The following TUT1 variants were observed in gnomAD, a reference collection of about 807,000 sequenced individuals.
TUT1 encodes the protein terminal uridylyl transferase 1, U6 snRNA-specific, also known as speckle targeted PIP5K1A-regulated poly(A) polymerase.
Under a neutral mutation model 48.8 loss-of-function variants are expected in TUT1, and 26 were observed. The observed-to-expected ratio is 0.53, with a 90% CI of 0.39 to 0.74. TUT1 has a LOEUF of 0.74. Ranked by LOEUF, TUT1 falls within the 30% of genes least tolerant of loss-of-function variation. TUT1 has a pLI of 0.00. For missense variants in TUT1, 1,065 were observed against 1,114.8 expected (o/e 0.96, Z 0.64); for synonymous variants, 470 against 460.8 (o/e 1.02, Z -0.26).
chr11:62,578,727 C>G lies in TUT1; in HGVS notation c.994G>C (p.Glu332Gln), dbSNP rs1462451717. The change falls in exon 5 of 9, where the codon GAG (glutamate) becomes CAG (glutamine). Residue 332 changes from glutamate to glutamine, a missense_variant. Glu to Gln is a conservative substitution (Grantham distance 29, BLOSUM62 2). Transcript: ENST00000476907. Reference sequence around the variant, plus strand: ...ATTGCTGCCCCCTCTGCTTTCTCCTCCTTTGGGGTCTCTGCTAGTTCCGAG... The same window carrying G: ...ATTGCTGCCCCCTCTGCTTTCTCCTGCTTTGGGGTCTCTGCTAGTTCCGAG... ...KASELAETPK[E>Q]EKAEGAAMLE... 6 of 1,614,194 alleles carry G rather than the reference C, an allele frequency of 3.7e-6. 1 individual carries two copies. The Middle Eastern group carries it at 4.9e-4, about 133-fold the overall frequency.
chr11:62,580,163 A>AATG (rs1302566680), intron 4 of TUT1, among the ~76,000 whole-genome samples: 1 of 152,068 alleles, frequency 6.6e-6, no homozygotes, highest in Non-Finnish European at 1.5e-5. Flanking sequence ...GATGTTAGAA[A>AATG]ATACAGGTTA....
chr11:62,581,340 A>T (rs1941821318), intron 3 of TUT1, 46 bp downstream of exon 3: 1 of 1,569,850 alleles, frequency 6.4e-7, no homozygotes, highest in South Asian at 1.2e-5. Context: ...GACACAGGAG[A>T]GCAAAGGCCA....
Position 62,576,531 on chromosome 11 carries a change from GTAA to G in TUT1, c.1474+123_1474+125del, listed in dbSNP as rs1941730870. The G allele has an allele frequency of 4.5e-6, 4 of 895,540 alleles. No individual in the cohort carries two copies. The South Asian group carries it at 4.9e-5, about 11-fold the overall frequency. The allele number at this position is 895,540 out of a possible 1,614,324, so 55.5% of individuals were successfully genotyped here. On this transcript the variant is annotated intron_variant, in intron 8 of 8. Transcript: ENST00000476907. ...TGGTTTCTTCATCTGTAAAATGGCA[GTAA>G]TAATATTAGGTATCTCACAGGCTTT...
chr11:62,575,957 C>A lies in TUT1; in HGVS notation c.1762G>T (p.Asp588Tyr), dbSNP rs535015148. ...QYQRRSSRGR[D>Y]WGLLPLLQPS... ...TGCAGAAGAGGGAGCAGCCCCCAGT[C>A]CCGACCCCGGGAGGAACGGCGCTGG... Residue 588 changes from aspartate to tyrosine, a missense_variant, in exon 9 of 9, where the codon GAC becomes TAC. Asp to Tyr is a radical substitution (Grantham distance 160, BLOSUM62 -3). Coordinates refer to ENST00000476907, the MANE Select transcript of TUT1 (RefSeq NM_022830.3). 3 of 1,614,114 alleles carry A rather than the reference C, an allele frequency of 1.9e-6. No homozygotes were observed. Among genetic ancestry groups the A allele is most frequent in the South Asian group, 2.2e-5 (2 of 91,084 alleles).
chr11:62,579,716 G>A (rs997509440), intron 4 of TUT1, among the ~76,000 whole-genome samples: 2 of 148,044 alleles, frequency 1.4e-5, no homozygotes, highest in African/African-American at 5.0e-5. Context: ...CCAGGCTGGA[G>A]TGCAGTGGCG....
intron 2 of TUT1, among the ~76,000 whole-genome samples, chr11:62,582,861 G>A (rs1672174007): frequency 6.6e-6 from 1 of 152,038 alleles, no homozygotes; most frequent in Admixed American, 6.6e-5. Flanking sequence ...GGGTGCAGTG[G>A]CTCACGCCTG....
At chr11:62,583,460 T>G (rs1406522993) in intron 2 of TUT1, among the ~76,000 whole-genome samples, 2 of 151,912 alleles carry the variant, frequency 1.3e-5, no homozygotes, top group Non-Finnish European at 2.9e-5. Flanking sequence ...AAATACAAAA[T>G]TAGCCAGATA....
chr11:62,585,190 A>C (rs537185473), intron 2 of TUT1, among the ~76,000 whole-genome samples: 1 of 152,204 alleles, frequency 6.6e-6, no homozygotes, highest in African/African-American at 2.4e-5. Context: ...ATGTGATTAT[A>C]GCTCACTGTA....
intron 1 of TUT1, 22 bp downstream of exon 1, chr11:62,591,382 T>G: frequency 6.5e-7 from 1 of 1,539,086 alleles, no homozygotes; most frequent in Non-Finnish European, 8.8e-7. Context: ...CACCCCCGGG[T>G]CCCTCACTAG....
chr11:62,577,864 T>C (rs936842427), intron 5 of TUT1, among the ~76,000 whole-genome samples: 53 of 150,852 alleles, frequency 3.5e-4, no homozygotes, highest in African/African-American at 1.3e-3. Context: ...GAGTTCGAGA[T>C]CAGCCTGGGC....
At chr11:62,589,774 C>T (rs928714207) in intron 1 of TUT1, among the ~76,000 whole-genome samples, 1 of 152,206 alleles carries the variant, frequency 6.6e-6, no homozygotes, top group Non-Finnish European at 1.5e-5. Context: ...TCATGGAATA[C>T]TTTGTGGATC....
chr11:62,581,188 A>G lies in TUT1; in HGVS notation c.608T>C (p.Phe203Ser). 1 of 1,614,188 alleles carries G rather than the reference A, an allele frequency of 6.2e-7. No individual in the cohort carries two copies. Among genetic ancestry groups the G allele is most frequent in the East Asian group, 2.2e-5 (1 of 44,884 alleles). Residue 203 changes from phenylalanine (F) to serine (S), a missense_variant, in exon 4 of 9, where the codon TTT becomes TCT. Coordinates refer to ENST00000476907, the MANE Select transcript of TUT1 (RefSeq NM_022830.3). ...EFFPGCVVHP[F>S]GSSINSFDVH... Reference sequence around the variant, plus strand: ...ATCGAAGCTATTTATGGAAGAGCCAAAAGGGTGGACCACACAGCCTGGGTG... The same window carrying G: ...ATCGAAGCTATTTATGGAAGAGCCAGAAGGGTGGACCACACAGCCTGGGTG...
In TUT1 at chr11:62,576,685, C is replaced by T; in HGVS notation, c.1446G>A (p.Leu482=). ...DCSFPRDASR[L]EPSINVEPLS... is the part of the protein sequence containing the mutation. ...GGGGCTCCACATTTATGCTGGGCTC[C>T]AGTCTTGAGGCATCCCTGGGGAAAC... Residue 482 remains leucine (L), a synonymous_variant, in exon 8 of 9, where the codon CTG becomes CTA. Coordinates refer to ENST00000476907, the MANE Select transcript of TUT1 (RefSeq NM_022830.3). 1 of 1,614,202 alleles carries T rather than the reference C, an allele frequency of 6.2e-7. No individual in the cohort carries two copies.
At position 62,578,767 on chromosome 11, in the gene TUT1, C is replaced by T. The variant is rs1394489829; in HGVS notation, c.954G>A (p.Gly318=). Residue 318 remains glycine, a synonymous_variant, in exon 5 of 9, where the codon GGG becomes GGA. Coordinates refer to ENST00000476907, the MANE Select transcript of TUT1 (RefSeq NM_022830.3). ...CTAGTTCCGAGGCCTTCCCCAGGTC[C>T]CCCTCTTCCCTGTCCTCTAGCAGTG... ...ASPLLEDREE[G]DLGKASELAE... The T allele has an allele frequency of 1.9e-6, 3 of 1,614,162 alleles. No individual in the cohort carries two copies. Among genetic ancestry groups the T allele is most frequent in the Non-Finnish European group, 2.5e-6 (3 of 1,180,044 alleles).
At chr11:62,583,557 A>C (rs1941864847) in intron 2 of TUT1, among the ~76,000 whole-genome samples, 1 of 152,048 alleles carries the variant, frequency 6.6e-6, no homozygotes, top group Admixed American at 6.6e-5. Context: ...GAGATTGTGC[A>C]TTGTACTCCA....
At chr11:62,576,379 T>C in intron 8 of TUT1, 135 bp from the exon 9 acceptor site, 4 of 1,149,418 alleles carry the variant, frequency 3.5e-6, no homozygotes, top group Non-Finnish European at 4.8e-6. Context: ...GAAGCTAGGC[T>C]TCTCTGATCC....
intron 2 of TUT1, among the ~76,000 whole-genome samples, chr11:62,586,908 T>G (rs1941925642): frequency 6.6e-6 from 1 of 150,464 alleles, no homozygotes; most frequent in Admixed American, 6.6e-5. Flanking sequence ...TTTCGCCATG[T>G]TGGCCAGGCT....
At position 62,575,879 on chromosome 11, in the gene TUT1, C is replaced by T. The variant is rs1288435934; in HGVS notation, c.1840G>A (p.Ala614Thr). The change falls in exon 9 of 9, where the codon GCA becomes ACA. Residue 614 changes from alanine to threonine, a missense_variant. Coordinates refer to ENST00000476907, the MANE Select transcript of TUT1 (RefSeq NM_022830.3). The stretch of plus-strand genomic sequence containing the variant: ...GCAGCAGTGAGCTGGGTGAAGGGTG[C>T]AAGGGGTAAAGGGATCGGCGTAGCA... The part of the protein sequence containing the change: ...LSATPIPLPL[A>T]PFTQLTAALV... 2.5e-6 allele frequency: 4 copies of T among 1,614,198 alleles called. No homozygotes were observed. The South Asian group carries it at 4.4e-5, about 18-fold the overall frequency.
In TUT1 at chr11:62,578,731, T is replaced by TG; in HGVS notation, c.989dup (p.Glu332GlyfsTer50). ...CTGCCCCCTCTGCTTTCTCCTCCTT[T>TG]GGGGTCTCTGCTAGTTCCGAGGCCT... On this transcript the variant is annotated frameshift_variant, in exon 5 of 9. Transcript: ENST00000476907. LOFTEE classifies it high-confidence loss of function. 1.2e-6 allele frequency: 2 copies of TG among 1,614,136 alleles called. No individual in the cohort carries two copies. The highest frequency in any genetic ancestry group is 1.7e-6 in the Non-Finnish European group (2 of 1,180,026).
Sources: gnomAD v4.1 joint callset for allele counts (sites outside exome capture counted in the v4.1 genomes callset) on GRCh38, gnomAD v4.1.1 for gene constraint, MANE v1.5 for transcripts, NCBI Gene and HGNC (gene_info 2026-07-23, HGNC 2026-07-21) for gene names.